The following GRID1 variants were observed in gnomAD, a reference collection of about 807,000 sequenced individuals.
The protein encoded by GRID1 is glutamate receptor ionotropic, delta-1.
GRID1 carries 28 observed loss-of-function variants against 98.0 expected under a neutral mutation model. The ratio of observed to expected loss-of-function variants is 0.29; its 90% CI spans 0.21 to 0.39. The LOEUF is 0.39. GRID1 is among the 10% of genes least tolerant of loss of function. The pLI, the probability that GRID1 is intolerant of heterozygous loss-of-function variation, is 1.00. For synonymous variants in GRID1, 553 were observed against 538.5 expected (o/e 1.03, Z -0.37); for missense variants, 1,111 against 1,340.5 (o/e 0.83, Z 2.67).
chr10:86,288,654 G>T (rs1466780191), intron 2 of GRID1, among the ~76,000 whole-genome samples: 3 of 152,162 alleles, frequency 2.0e-5, no homozygotes, highest in African/African-American at 7.2e-5. Context: ...CAGCACCTGG[G>T]TCTCTGGGTT....
rs147378113 is a variant in GRID1, at chr10:86,310,595, A to G, written c.235+53346T>C. 8.8e-4 allele frequency among the ~76,000 whole-genome samples: 134 copies of G among 152,294 alleles called. 1 individual carries two copies. The highest frequency in any genetic ancestry group is 3.0e-3 in the African/African-American group (123 of 41,576). ...GTACCTGAGTGTTGGGGAGAAAGGC[A>G]TATATCTACCTGGTCTCCAGGCTTC... On this transcript the variant is annotated intron_variant, in intron 2 of 15. Transcript: ENST00000327946.
At chr10:86,267,361 C>T (rs977325769) in intron 2 of GRID1, among the ~76,000 whole-genome samples, 2 of 152,354 alleles carry the variant, frequency 1.3e-5, no homozygotes, top group Admixed American at 6.5e-5. Context: ...AGGACAACAG[C>T]GGTGATGGCA....
chr10:86,211,132 GA>G (rs1461993573), intron 2 of GRID1, among the ~76,000 whole-genome samples: 2 of 152,208 alleles, frequency 1.3e-5, no homozygotes, highest in Non-Finnish European at 2.9e-5. Context: ...TGTGTGCCAT[GA>G]AAGGTCTTTA....
intron 12 of GRID1, among the ~76,000 whole-genome samples, chr10:85,715,590 C>T (rs1841629400): frequency 6.6e-6 from 1 of 151,700 alleles, no homozygotes; most frequent in Non-Finnish European, 1.5e-5. Flanking sequence ...TATAAATGAC[C>T]AAAAGATATA....
At chr10:86,138,735 G>A (rs543494237) in intron 4 of GRID1, 84 bp downstream of exon 4, 11 of 1,095,314 alleles carry the variant, frequency 1.0e-5, no homozygotes, top group African/African-American at 1.6e-5. Flanking sequence ...TGCGTAAGAC[G>A]ACTGTGCCCT....
intron 5 of GRID1, among the ~76,000 whole-genome samples, chr10:85,895,014 AAAATATATAT>A (rs1489533067): frequency 2.8e-5 from 3 of 108,680 alleles, no homozygotes; most frequent in African/African-American, 6.9e-5. Context: ...AAAAAAAAAA[AAAATATATAT>A]ATATATATAT....
intron 4 of GRID1, among the ~76,000 whole-genome samples, chr10:86,120,164 G>A (rs1308704737): frequency 1.3e-5 from 2 of 152,176 alleles, no homozygotes; most frequent in African/African-American, 4.8e-5. Flanking sequence ...TCCCAGCCTG[G>A]CCTCCTGTTC....
rs147067090 is a variant in GRID1 at position 85,927,148 on chromosome 10, C to T, written c.727-10909G>A. On this transcript the variant is annotated intron_variant, in intron 4 of 15. Transcript: ENST00000327946. ...AGGAAGTGTGTGGGCAAGCTGACCACGTGAGAAGCCCTCTAGACCATGCAT... is the reference window on the plus strand; with the variant it reads ...AGGAAGTGTGTGGGCAAGCTGACCATGTGAGAAGCCCTCTAGACCATGCAT... 7.3e-3 allele frequency among the ~76,000 whole-genome samples: 1,119 copies of T among 152,294 alleles called. 18 individuals are homozygous for T. The highest frequency in any genetic ancestry group is 0.025 in the African/African-American group (1,043 of 41,552).
chr10:85,885,337 T>C (rs915808946), intron 5 of GRID1, among the ~76,000 whole-genome samples: 5 of 152,172 alleles, frequency 3.3e-5, no homozygotes, highest in African/African-American at 4.8e-5. Context: ...CAGAGGAACA[T>C]GTATATTCAG....
At chr10:86,312,280 C>T (rs1160680394) in intron 2 of GRID1, among the ~76,000 whole-genome samples, 1 of 152,206 alleles carries the variant, frequency 6.6e-6, no homozygotes, top group Non-Finnish European at 1.5e-5. Flanking sequence ...ACAGTGGTGC[C>T]AAGAAGTAGC....
chr10:85,981,696 G>T (rs2131861579), intron 4 of GRID1, among the ~76,000 whole-genome samples: 1 of 152,212 alleles, frequency 6.6e-6, no homozygotes, highest in African/African-American at 2.4e-5. Context: ...TCCTGTGTTA[G>T]TTCAGTGGGT....
intron 4 of GRID1, among the ~76,000 whole-genome samples, chr10:86,071,478 G>A (rs1319803066): frequency 1.3e-5 from 2 of 152,194 alleles, no homozygotes; most frequent in African/African-American, 2.4e-5. Context: ...GTGATATAGC[G>A]TGAGATGCTC....
At chr10:86,211,359 T>A (rs1429838850) in intron 2 of GRID1, among the ~76,000 whole-genome samples, 3 of 152,140 alleles carry the variant, frequency 2.0e-5, no homozygotes, top group African/African-American at 7.2e-5. Context: ...GAATGACCCA[T>A]CCATCAGCTG....
intron 8 of GRID1, among the ~76,000 whole-genome samples, chr10:85,765,513 C>A (rs1392029485): frequency 2.0e-5 from 3 of 152,104 alleles, no homozygotes; most frequent in Middle Eastern, 3.2e-3. Context: ...AAATTCTATA[C>A]CTGACCTCAT....
intron 12 of GRID1, among the ~76,000 whole-genome samples, chr10:85,720,999 A>C (rs1204611260): frequency 6.6e-6 from 1 of 152,222 alleles, no homozygotes; most frequent in African/African-American, 2.4e-5. Context: ...AAGAACTTTC[A>C]AAACTCAAAA....
chr10:86,228,485 G>A (rs59954242), intron 2 of GRID1, among the ~76,000 whole-genome samples: 43,254 of 151,996 alleles, frequency 0.28, 7,004 homozygotes, highest in Non-Finnish European at 0.38. Context: ...GCCTGCAGCC[G>A]CTGCCTTCCA....
At chr10:85,756,979 G>A (rs1434686314) in intron 8 of GRID1, among the ~76,000 whole-genome samples, 1 of 152,120 alleles carries the variant, frequency 6.6e-6, no homozygotes, top group Non-Finnish European at 1.5e-5. Context: ...ATTAATGACC[G>A]CCTTTTGGAT....
chr10:85,836,916 C>T (rs1233197563), intron 8 of GRID1, among the ~76,000 whole-genome samples: 1 of 152,206 alleles, frequency 6.6e-6, no homozygotes, highest in East Asian at 1.9e-4. Context: ...AGGTGGAGAG[C>T]TCCAATGAAG....
chr10:85,981,922 G>T (rs1842548973), intron 4 of GRID1, among the ~76,000 whole-genome samples: 1 of 152,210 alleles, frequency 6.6e-6, no homozygotes, highest in African/African-American at 2.4e-5. Context: ...AGGCAGGGTG[G>T]TCAGGAAAGG....
Sources: gnomAD v4.1 joint callset for allele counts (sites outside exome capture counted in the v4.1 genomes callset) on GRCh38, gnomAD v4.1.1 for gene constraint, MANE v1.5 for transcripts, NCBI Gene and HGNC (gene_info 2026-07-23, HGNC 2026-07-21) for gene names.